The following SH3GL2 variants were observed in gnomAD, a reference collection of about 807,000 sequenced individuals.
SH3GL2 encodes the protein endophilin-A1.
SH3GL2 carries 24 observed loss-of-function variants against 46.0 expected under a neutral mutation model. The observed-to-expected ratio is 0.52, with a 90% confidence interval of 0.38 to 0.73. SH3GL2 has a LOEUF of 0.73. SH3GL2 is among the 30% of genes least tolerant of loss of function. The probability of loss-of-function intolerance (pLI) is 0.00; values close to 1 mark genes in which losing one functional copy is unlikely to be tolerated. For missense variants in SH3GL2, 413 were observed against 424.2 expected, an observed-to-expected ratio of 0.97 and a Z score of 0.23; for synonymous variants, 196 against 147.1, an observed-to-expected ratio of 1.33 and a Z score of -2.40.
At chr9:17,676,123 C>T (rs954572695) in intron 1 of SH3GL2, among the ~76,000 whole-genome samples, 2 of 152,078 alleles carry the variant, frequency 1.3e-5, no homozygotes, top group African/African-American at 4.8e-5. Flanking sequence ...GGTTTAGGGG[C>T]TATGGGTAGA....
At chr9:17,731,101 G>T (rs1379904618) in intron 1 of SH3GL2, among the ~76,000 whole-genome samples, 1 of 152,066 alleles carries the variant, frequency 6.6e-6, no homozygotes, top group Non-Finnish European at 1.5e-5. Context: ...AGTCCTTGTG[G>T]CAGGAATGAT....
At chr9:17,707,273 T>G (rs1238569735) in intron 1 of SH3GL2, among the ~76,000 whole-genome samples, 1 of 152,076 alleles carries the variant, frequency 6.6e-6, no homozygotes, top group African/African-American at 2.4e-5. Flanking sequence ...ACATCTGAGC[T>G]GAAATATCTT....
intron 1 of SH3GL2, among the ~76,000 whole-genome samples, chr9:17,581,817 G>C (rs889229356): frequency 2.7e-4 from 41 of 152,250 alleles, no homozygotes; most frequent in African/African-American, 9.4e-4. Flanking sequence ...TCCTGCCTCA[G>C]CCTCCTGAGT....
At chr9:17,648,189 G>A (rs900730000) in intron 1 of SH3GL2, among the ~76,000 whole-genome samples, 1 of 152,094 alleles carries the variant, frequency 6.6e-6, no homozygotes, top group African/African-American at 2.4e-5. Flanking sequence ...AGTTATGTGT[G>A]GATTTTCAAC....
intron 1 of SH3GL2, among the ~76,000 whole-genome samples, chr9:17,710,696 C>T (rs758086874): frequency 6.6e-6 from 1 of 151,910 alleles, no homozygotes; most frequent in African/African-American, 2.4e-5. Context: ...AATGGCATAT[C>T]GTTAAAACCT....
At chr9:17,591,840 TA>T (rs1470130509) in intron 1 of SH3GL2, among the ~76,000 whole-genome samples, 1 of 152,224 alleles carries the variant, frequency 6.6e-6, no homozygotes, top group Non-Finnish European at 1.5e-5. Flanking sequence ...GCATTTTCTG[TA>T]GGCGCTTTCC....
chr9:17,665,577 C>A (rs1418155635), intron 1 of SH3GL2, among the ~76,000 whole-genome samples: 1 of 151,976 alleles, frequency 6.6e-6, no homozygotes, highest in African/African-American at 2.4e-5. Context: ...CTATTACTGT[C>A]AACATTTATT....
chr9:17,794,246 G>A (rs1824217791), intron 8 of SH3GL2, among the ~76,000 whole-genome samples: 1 of 152,198 alleles, frequency 6.6e-6, no homozygotes, highest in South Asian at 2.1e-4. Context: ...ACATTTGCTT[G>A]TTTGAAGTGG....
chr9:17,770,037 T>C (rs1020265143), intron 3 of SH3GL2, among the ~76,000 whole-genome samples: 1 of 152,198 alleles, frequency 6.6e-6, no homozygotes, highest in Non-Finnish European at 1.5e-5. Flanking sequence ...ATACATAAGC[T>C]CCATCTTACG....
At chr9:17,682,094 A>G (rs769342552) in intron 1 of SH3GL2, among the ~76,000 whole-genome samples, 1 of 152,178 alleles carries the variant, frequency 6.6e-6, no homozygotes. Flanking sequence ...AAATGGGAAC[A>G]CTTTCACACT....
intron 3 of SH3GL2, among the ~76,000 whole-genome samples, chr9:17,770,748 T>A (rs1823454477): frequency 6.6e-6 from 1 of 152,126 alleles, no homozygotes; most frequent in Non-Finnish European, 1.5e-5. Context: ...GAGGACCACA[T>A]GTCAAGGAAC....
intron 3 of SH3GL2, among the ~76,000 whole-genome samples, chr9:17,784,564 A>T (rs1414524416): frequency 6.6e-6 from 1 of 152,172 alleles, no homozygotes; most frequent in Non-Finnish European, 1.5e-5. Context: ...GATATCAGCC[A>T]TGATAATATT....
chr9:17,770,822 T>A (rs745505353), intron 3 of SH3GL2, among the ~76,000 whole-genome samples: 2 of 152,138 alleles, frequency 1.3e-5, no homozygotes, highest in Non-Finnish European at 2.9e-5. Context: ...GCCAGAGCTC[T>A]CAATCACACT....
Position 17,760,254 on chromosome 9 carries a change from T to C in SH3GL2, c.115-1183T>C, listed in dbSNP as rs555618853. 5.3e-4 allele frequency among the ~76,000 whole-genome samples: 81 copies of C among 152,248 alleles called. 1 individual carries two copies. In the South Asian group the frequency reaches 0.015, roughly 27 times the overall value. On this transcript the variant is annotated intron_variant, in intron 2 of 8. Coordinates refer to ENST00000380607, the MANE Select transcript of SH3GL2 (RefSeq NM_003026.5). ...ATCATTATAACTTCACAAGAAAAAA[T>C]TTGTTTTCCTCTGTTGATCCTAGTA...
At chr9:17,763,055 T>C (rs928224217) in intron 3 of SH3GL2, among the ~76,000 whole-genome samples, 5 of 152,204 alleles carry the variant, frequency 3.3e-5, no homozygotes, top group Admixed American at 2.6e-4. Context: ...ATAGTATTTA[T>C]TGAGCACTGA....
chr9:17,696,608 A>G (rs574991393), intron 1 of SH3GL2, among the ~76,000 whole-genome samples: 1 of 152,270 alleles, frequency 6.6e-6, no homozygotes, highest in South Asian at 2.1e-4. Context: ...CAAAGGGGGA[A>G]AAGCCCCTTA....
At chr9:17,638,116 C>T (rs896146088) in intron 1 of SH3GL2, among the ~76,000 whole-genome samples, 1 of 151,378 alleles carries the variant, frequency 6.6e-6, no homozygotes, top group African/African-American at 2.4e-5. Flanking sequence ...GAGATCGCGC[C>T]ACTGCACTCC....
At chr9:17,648,991 C>A (rs901022983) in intron 1 of SH3GL2, among the ~76,000 whole-genome samples, 1 of 152,124 alleles carries the variant, frequency 6.6e-6, no homozygotes, top group Admixed American at 6.5e-5. Context: ...ACTGTGTTTC[C>A]TGTATGATGT....
chr9:17,660,492 A>C (rs1820185795), intron 1 of SH3GL2, among the ~76,000 whole-genome samples: 1 of 152,170 alleles, frequency 6.6e-6, no homozygotes, highest in South Asian at 2.1e-4. Flanking sequence ...AGTATGTTGC[A>C]CTAGGTGTGA....
Sources: gnomAD v4.1 joint callset for allele counts (sites outside exome capture counted in the v4.1 genomes callset) on GRCh38, gnomAD v4.1.1 for gene constraint, MANE v1.5 for transcripts, NCBI Gene and HGNC (gene_info 2026-07-23, HGNC 2026-07-21) for gene names.